The following EFNA5 variants were observed in gnomAD, a reference collection of about 807,000 sequenced individuals.
EFNA5 encodes the protein ephrin A5.
EFNA5 carries 5 observed loss-of-function variants against 22.9 expected under a neutral mutation model. That is an observed-to-expected ratio of 0.22 (90% confidence interval 0.11 to 0.46). The LOEUF (loss-of-function observed/expected upper bound fraction) is 0.46, where lower values mean the gene tolerates loss of function less well. Ranked by LOEUF, EFNA5 falls within the 20% of genes least tolerant of loss-of-function variation. EFNA5 has a pLI of 0.99. For missense variants in EFNA5, 237 were observed against 293.3 expected (o/e 0.81, Z 1.40); for synonymous variants, 113 against 112.2 (o/e 1.01, Z -0.04).
chr5:107,452,338 T>C (rs27443), intron 1 of EFNA5, among the ~76,000 whole-genome samples: 84,204 of 151,510 alleles, frequency 0.56, 23,929 homozygotes, highest in South Asian at 0.7. Flanking sequence ...TTTTTTCTTT[T>C]AGAAAAAAAA....
chr5:107,404,725 C>G (rs1054171364), intron 2 of EFNA5, among the ~76,000 whole-genome samples: 17 of 152,142 alleles, frequency 1.1e-4, no homozygotes, highest in African/African-American at 3.4e-4. Flanking sequence ...CAGTATAAAT[C>G]ATACTTTTCT....
Position 107,580,616 on chromosome 5 carries a change from A to G in EFNA5, c.125+89873T>C, listed in dbSNP as rs191467625. Among the ~76,000 whole-genome samples, 1,166 of 151,252 alleles carry G rather than the reference A, an allele frequency of 7.7e-3. 5 individuals are homozygous for G. The highest frequency in any genetic ancestry group is 0.013 in the Non-Finnish European group (910 of 67,754). On this transcript the variant is annotated intron_variant, in intron 1 of 4. Transcript: ENST00000333274. ...CGGGAGCCTGTAGTCCCAGCTACTCAGGAGGCTAAGGCAGGAGAATGGCGT... is the reference window on the plus strand; with the variant it reads ...CGGGAGCCTGTAGTCCCAGCTACTCGGGAGGCTAAGGCAGGAGAATGGCGT...
chr5:107,437,287 T>C (rs942446608), intron 1 of EFNA5, among the ~76,000 whole-genome samples: 4 of 152,358 alleles, frequency 2.6e-5, no homozygotes, highest in Middle Eastern at 3.4e-3. Flanking sequence ...AATGTTTTCA[T>C]ACAAAACTGT....
intron 1 of EFNA5, among the ~76,000 whole-genome samples, chr5:107,467,720 A>C (rs1276593032): frequency 6.6e-6 from 1 of 152,148 alleles, no homozygotes; most frequent in East Asian, 1.9e-4. Context: ...CAGAGTCAGC[A>C]GGAAAAGCCA....
At chr5:107,565,832 C>A (rs1748654461) in intron 1 of EFNA5, among the ~76,000 whole-genome samples, 2 of 152,174 alleles carry the variant, frequency 1.3e-5, no homozygotes, top group Admixed American at 1.3e-4. Flanking sequence ...AGAGCTGAGT[C>A]AATCTATTTT....
rs188353571 is a variant in EFNA5 at position 107,441,105 on chromosome 5, C to T, written c.126-13596G>A. Among the ~76,000 whole-genome samples, 224 of 151,574 alleles carry T rather than the reference C, an allele frequency of 1.5e-3. 1 individual carries two copies. Among genetic ancestry groups the T allele is most frequent in the Non-Finnish European group, 1.8e-3 (120 of 67,912 alleles). On this transcript the variant is annotated intron_variant, in intron 1 of 4. Transcript: ENST00000333274. Reference sequence around the variant, plus strand: ...AGGCATAGGGTAAACAGGGATTTCACCTTGGTATATCTCAGATTTCTGGCT... The same window carrying T: ...AGGCATAGGGTAAACAGGGATTTCATCTTGGTATATCTCAGATTTCTGGCT...
intron 1 of EFNA5, among the ~76,000 whole-genome samples, chr5:107,644,509 AC>A (rs1408014109): frequency 6.6e-6 from 1 of 152,206 alleles, no homozygotes; most frequent in African/African-American, 2.4e-5. Context: ...GTAAATAGAA[AC>A]TTGTATATTT....
At chr5:107,455,032 T>TA (rs1471020064) in intron 1 of EFNA5, among the ~76,000 whole-genome samples, 1 of 152,170 alleles carries the variant, frequency 6.6e-6, no homozygotes, top group East Asian at 1.9e-4. Context: ...GATTTCCATC[T>TA]ACCTGCTGGA....
At chr5:107,624,388 T>C (rs891860358) in intron 1 of EFNA5, among the ~76,000 whole-genome samples, 1 of 152,120 alleles carries the variant, frequency 6.6e-6, no homozygotes, top group Non-Finnish European at 1.5e-5. Context: ...AATTCAAAAG[T>C]TTTAACTATC....
chr5:107,573,023 G>A (rs908313839), intron 1 of EFNA5, among the ~76,000 whole-genome samples: 8 of 152,134 alleles, frequency 5.3e-5, no homozygotes, highest in Non-Finnish European at 1.0e-4. Flanking sequence ...GGCGCCATCC[G>A]TTAAGACAAC....
chr5:107,666,435 G>A (rs773652009), intron 1 of EFNA5, among the ~76,000 whole-genome samples: 1 of 152,064 alleles, frequency 6.6e-6, no homozygotes, highest in Non-Finnish European at 1.5e-5. Flanking sequence ...CCAAGATTAC[G>A]TGTTAACAAA....
chr5:107,471,810 C>T (rs1158064833), intron 1 of EFNA5, among the ~76,000 whole-genome samples: 1 of 152,126 alleles, frequency 6.6e-6, no homozygotes, highest in African/African-American at 2.4e-5. Flanking sequence ...ATTTAAACAT[C>T]AAAGAATACA....
chr5:107,507,537 A>G (rs946828296), intron 1 of EFNA5, among the ~76,000 whole-genome samples: 1 of 152,140 alleles, frequency 6.6e-6, no homozygotes, highest in African/African-American at 2.4e-5. Context: ...AAGGGTTTGG[A>G]TATAAATAAC....
intron 2 of EFNA5, among the ~76,000 whole-genome samples, chr5:107,394,432 G>A (rs1163534103): frequency 6.6e-6 from 1 of 152,090 alleles, no homozygotes; most frequent in Non-Finnish European, 1.5e-5. Context: ...TTAAAAACCA[G>A]AATAAGAAAA....
At chr5:107,558,153 G>A (rs1748464380) in intron 1 of EFNA5, among the ~76,000 whole-genome samples, 1 of 151,964 alleles carries the variant, frequency 6.6e-6, no homozygotes, top group African/African-American at 2.4e-5. Flanking sequence ...GCCCCAAAGA[G>A]ATTACAAGAC....
chr5:107,593,146 C>T (rs1749409372), intron 1 of EFNA5, among the ~76,000 whole-genome samples: 1 of 152,108 alleles, frequency 6.6e-6, no homozygotes, highest in Non-Finnish European at 1.5e-5. Context: ...TTTGAAACAG[C>T]TCTGAGAGCA....
intron 1 of EFNA5, among the ~76,000 whole-genome samples, chr5:107,632,375 G>A (rs867997281): frequency 8.5e-5 from 13 of 152,080 alleles, no homozygotes; most frequent in African/African-American, 2.4e-4. Flanking sequence ...ATTATAACAC[G>A]TTAGCAAAAT....
intron 1 of EFNA5, among the ~76,000 whole-genome samples, chr5:107,439,597 C>G (rs372239939): frequency 6.6e-6 from 1 of 152,140 alleles, no homozygotes; most frequent in Non-Finnish European, 1.5e-5. Flanking sequence ...CTCATGATAC[C>G]CTGCACATGG....
intron 1 of EFNA5, among the ~76,000 whole-genome samples, chr5:107,506,631 A>C (rs1747255929): frequency 6.6e-6 from 1 of 152,178 alleles, no homozygotes; most frequent in African/African-American, 2.4e-5. Context: ...TGGGCAGCCC[A>C]TTTAATGGCA....
Sources: allele counts gnomAD v4.1 joint callset (sites outside exome capture counted in the v4.1 genomes callset), GRCh38; gene constraint gnomAD v4.1.1; transcripts MANE v1.5; gene names NCBI Gene and HGNC (gene_info 2026-07-23, HGNC 2026-07-21).